The following BRD10 variants were observed in gnomAD, a reference collection of about 807,000 sequenced individuals.
BRD10 encodes the protein bromodomain containing 10.
the BRD10 span, among the ~76,000 whole-genome samples, chr9:5,980,008 C>G: frequency 2.4e-5 from 3 of 125,214 alleles, no homozygotes; most frequent in African/African-American, 8.5e-5. Context: ...AAGCAAGACT[C>G]CATCTCAAAA....
the BRD10 span, among the ~76,000 whole-genome samples, chr9:5,923,966 G>C: frequency 2.5e-4 from 38 of 152,220 alleles, no homozygotes; most frequent in South Asian, 7.9e-3. Flanking sequence ...CTGATAAACT[G>C]AAATGAATTA....
At chr9:5,900,700 C>T in the BRD10 span, among the ~76,000 whole-genome samples, 1 of 152,104 alleles carries the variant, frequency 6.6e-6, no homozygotes, top group Non-Finnish European at 1.5e-5. Flanking sequence ...AAAATTTCTC[C>T]CTTGGTTAAC....
chr9:5,978,744 C>T, the BRD10 span, among the ~76,000 whole-genome samples: 7 of 152,268 alleles, frequency 4.6e-5, no homozygotes, highest in African/African-American at 1.7e-4. Context: ...ACACGGTCAG[C>T]ACTAGTTGGC....
chr9:5,967,425 G>T, the BRD10 span, among the ~76,000 whole-genome samples: 18 of 152,064 alleles, frequency 1.2e-4, no homozygotes, highest in Non-Finnish European at 8.8e-5. Context: ...TTTAAATTTG[G>T]TGAAAGACAA....
the BRD10 span, chr9:5,913,752 T>C: frequency 5.9e-5 from 11 of 186,796 alleles, no homozygotes; most frequent in Admixed American, 2.5e-4. Context: ...AAAAAATACA[T>C]TGATGCTGTT....
chr9:5,944,849 G>A, the BRD10 span: 73 of 1,263,018 alleles, frequency 5.8e-5, no homozygotes, highest in Non-Finnish European at 7.2e-5. Flanking sequence ...ATAATAGATA[G>A]AACTTTTGGA....
the BRD10 span, chr9:5,921,930 A>C: frequency 6.2e-7 from 1 of 1,613,992 alleles, no homozygotes; most frequent in East Asian, 2.2e-5. Flanking sequence ...GCTGGAATGG[A>C]AACAGAAGTT....
the BRD10 span, among the ~76,000 whole-genome samples, chr9:5,988,159 G>A: frequency 6.6e-6 from 1 of 152,186 alleles, no homozygotes; most frequent in African/African-American, 2.4e-5. Flanking sequence ...TTTTTGTATA[G>A]CTTCAAGATA....
the BRD10 span, chr9:5,922,457 C>T: frequency 6.2e-7 from 1 of 1,613,960 alleles, no homozygotes. Context: ...TCTAGCACTA[C>T]TTATATTTGA....
chr9:5,925,264 G>T, the BRD10 span, among the ~76,000 whole-genome samples: 1 of 151,204 alleles, frequency 6.6e-6, no homozygotes, highest in African/African-American at 2.4e-5. Context: ...GAGGCTGAGG[G>T]ACGAGAACTG....
the BRD10 span, among the ~76,000 whole-genome samples, chr9:5,918,108 C>T: frequency 6.6e-6 from 1 of 152,234 alleles, no homozygotes; most frequent in Non-Finnish European, 1.5e-5. Flanking sequence ...GACAGAAAAA[C>T]GGGGAGAGTG....
At chr9:5,941,729 T>TA in the BRD10 span, among the ~76,000 whole-genome samples, 1 of 152,156 alleles carries the variant, frequency 6.6e-6, no homozygotes, top group African/African-American at 2.4e-5. Context: ...TCTAAAAGGT[T>TA]AAAAAGACTT....
the BRD10 span, among the ~76,000 whole-genome samples, chr9:5,996,972 T>C: frequency 2.0e-5 from 3 of 152,198 alleles, no homozygotes; most frequent in Non-Finnish European, 4.4e-5. Flanking sequence ...CGCAGGTAAA[T>C]ACCTTGGCTT....
chr9:5,947,035 A>G, the BRD10 span, among the ~76,000 whole-genome samples: 849 of 152,204 alleles, frequency 5.6e-3, 9 homozygotes, highest in African/African-American at 0.02. Flanking sequence ...AGATCTCTTA[A>G]TTATCAATTA....
chr9:5,974,830 G>C, the BRD10 span, among the ~76,000 whole-genome samples: 1 of 152,154 alleles, frequency 6.6e-6, no homozygotes. Flanking sequence ...ATAATTCACG[G>C]AATATTGGGT....
chr9:6,006,670 G>C, the BRD10 span, among the ~76,000 whole-genome samples: 1 of 152,172 alleles, frequency 6.6e-6, no homozygotes, highest in East Asian at 1.9e-4. Flanking sequence ...AAGATCAGTA[G>C]TATGCAAAAG....
the BRD10 span, among the ~76,000 whole-genome samples, chr9:6,003,567 C>T: frequency 6.6e-6 from 1 of 152,008 alleles, no homozygotes; most frequent in Non-Finnish European, 1.5e-5. Context: ...TATAGCAATG[C>T]GTGGTCAAAA....
chr9:5,892,814 T>C, the BRD10 span, among the ~76,000 whole-genome samples: 1 of 152,216 alleles, frequency 6.6e-6, no homozygotes, highest in East Asian at 1.9e-4. Context: ...CTATTGGGTC[T>C]TATCTGTAGG....
the BRD10 span, among the ~76,000 whole-genome samples, chr9:5,993,338 A>T: frequency 6.8e-6 from 1 of 147,252 alleles, no homozygotes; most frequent in Admixed American, 6.8e-5. Context: ...AAAAAAAAAC[A>T]ACTAAATGAA....
Sources: allele counts gnomAD v4.1 joint callset (sites outside exome capture counted in the v4.1 genomes callset), GRCh38; gene constraint gnomAD v4.1.1; transcripts MANE v1.5; gene names NCBI Gene and HGNC (gene_info 2026-07-23, HGNC 2026-07-21).